The following CCNH variants were observed in gnomAD, a reference collection of about 807,000 sequenced individuals.
CCNH encodes the protein cyclin H.
In CCNH, 31 loss-of-function variants were observed where a neutral mutation model predicts 41.9. That is an observed-to-expected ratio of 0.74 (90% CI 0.56 to 1.00). CCNH has a LOEUF of 1.00. Among genes scored for constraint, CCNH ranks in the 50% least tolerant of loss-of-function variants. The pLI is 0.00. For synonymous variants in CCNH, 138 were observed against 136.1 expected, an observed-to-expected ratio of 1.01 and a Z score of -0.10; for missense variants, 362 against 388.4, an observed-to-expected ratio of 0.93 and a Z score of 0.57.
intron 9 of CCNH, among the ~76,000 whole-genome samples, chr5:87,382,688 G>A (rs1761802287): frequency 6.6e-6 from 1 of 152,130 alleles, no homozygotes; most frequent in Admixed American, 6.6e-5. Flanking sequence ...AAAATTAGCA[G>A]ATAAAATCAT....
At position 87,369,971 on chromosome 5, in the gene CCNH, A is replaced by T. The variant is rs1760809030; in HGVS notation, c.*90+22799T>A. The T allele has an allele frequency of 3.2e-6, 4 of 1,253,746 alleles. No individual in the cohort carries two copies. In the South Asian group the frequency reaches 5.0e-5, roughly 16 times the overall value. The allele number at this position is 1,253,746 out of a possible 1,614,324, so 77.7% of individuals were successfully genotyped here. On this transcript the variant is annotated intron_variant and NMD_transcript_variant, in intron 9 of 9. Transcript: ENST00000645953. ...CATGTTTTCTTATTAACTGGAATAG[A>T]AAATGATCGCATTCAAGATAAAGTG...
At chr5:87,312,960 A>G in the CCNH span, among the ~76,000 whole-genome samples, 1 of 152,196 alleles carries the variant, frequency 6.6e-6, no homozygotes, top group Non-Finnish European at 1.5e-5. Context: ...CAGATTATTG[A>G]AGGAAAATGA....
At chr5:87,325,642 T>C (rs1408909526) in intron 9 of CCNH, among the ~76,000 whole-genome samples, 2 of 152,224 alleles carry the variant, frequency 1.3e-5, no homozygotes, top group Non-Finnish European at 2.9e-5. Context: ...CTGTCAGTAA[T>C]ATAACCAAAA....
Position 87,412,678 on chromosome 5 carries a change from C to A in CCNH, c.117G>T (p.Lys39Asn). The change falls in exon 1 of 9, where the codon AAG (lysine) becomes AAT (asparagine). Residue 39 changes from lysine to asparagine, a missense_variant and splice_region_variant. Coordinates refer to ENST00000256897, the MANE Select transcript of CCNH (RefSeq NM_001239.4). Reference sequence around the variant, plus strand: ...TGGGCAACCGTTGGGAAAACCTCACCTTCCCGTTGGCCACGGCTTTGCATC... The same window carrying A: ...TGGGCAACCGTTGGGAAAACCTCACATTCCCGTTGGCCACGGCTTTGCATC... ...KFRCKAVANG[K>N]VLPNDPVFLE... 1.2e-6 allele frequency: 2 copies of A among 1,613,976 alleles called. No homozygotes were observed. The highest frequency in any genetic ancestry group is 1.7e-6 in the Non-Finnish European group (2 of 1,179,892).
At chr5:87,352,930 A>G (rs1759379932) in intron 9 of CCNH, among the ~76,000 whole-genome samples, 2 of 151,916 alleles carry the variant, frequency 1.3e-5, no homozygotes, top group Admixed American at 1.3e-4. Context: ...GGTATGGAAA[A>G]TCAGAATCTG....
At position 87,408,172 on chromosome 5, in the gene CCNH, A is replaced by G. The variant is rs758248932; in HGVS notation, c.329T>C (p.Phe110Ser). 3.1e-6 allele frequency: 5 copies of G among 1,598,666 alleles called. No homozygotes were observed. Among genetic ancestry groups the G allele is most frequent in the Non-Finnish European group, 4.3e-6 (5 of 1,170,496 alleles). ...GAATTCATCTACTTTGCAGGCCAAA[A>G]ATGCACAAGTGAGCCTAGAGGAAAA... ...HPRIIMLTCA[F>S]LACKVDEFNV... is the part of the protein sequence containing the mutation. Residue 110 changes from phenylalanine to serine, a missense_variant, in exon 4 of 9, where the codon TTT becomes TCT. Transcript: ENST00000256897.
chr5:87,317,272 A>T (rs1945431099), downstream of CCNH, among the ~76,000 whole-genome samples: 1 of 152,098 alleles, frequency 6.6e-6, no homozygotes, highest in Non-Finnish European at 1.5e-5. Context: ...CAGACTTTTA[A>T]TAAATTCCCC....
At chr5:87,371,242 G>T (rs1760917720) in intron 9 of CCNH, among the ~76,000 whole-genome samples, 2 of 151,762 alleles carry the variant, frequency 1.3e-5, no homozygotes, top group Non-Finnish European at 2.9e-5. Context: ...AGTTTTTGTT[G>T]ATTTATTGGG....
chr5:87,409,188 TTCTCTC>T (rs150775288), intron 3 of CCNH, 96 bp downstream of exon 3: 9 of 573,864 alleles, frequency 1.6e-5, no homozygotes, highest in East Asian at 9.3e-5. Context: ...AGGAAGTCAG[TTCTCTC>T]TCTCTCTCTC....
intron 9 of CCNH, chr5:87,363,198 A>C (rs1329849414): frequency 1.4e-6 from 1 of 718,282 alleles, no homozygotes; most frequent in Non-Finnish European, 2.3e-6. Context: ...GATTTGTTAT[A>C]GGCATTTTCT....
In CCNH at chr5:87,332,567, C is replaced by G. The variant is rs1180493926; in HGVS notation, c.*91-13670G>C. The G allele has an allele frequency of 6.2e-7, 1 of 1,607,354 alleles. No individual in the cohort carries two copies. Among genetic ancestry groups the G allele is most frequent in the African/African-American group, 1.3e-5 (1 of 74,772 alleles). Reference sequence around the variant, plus strand: ...GAAGACGTTTTTCTTCACTGTCAGACCTAATAGGTTATTACAGTCATGTTT... The same window carrying G: ...GAAGACGTTTTTCTTCACTGTCAGAGCTAATAGGTTATTACAGTCATGTTT... On this transcript the variant is annotated intron_variant and NMD_transcript_variant, in intron 9 of 9. Coordinates refer to the CCNH transcript ENST00000645953.
At chr5:87,354,443 A>T (rs1759503533) in intron 9 of CCNH, among the ~76,000 whole-genome samples, 1 of 152,098 alleles carries the variant, frequency 6.6e-6, no homozygotes, top group Non-Finnish European at 1.5e-5. Context: ...TAATGTTACT[A>T]TTGCAATTGT....
chr5:87,379,801 C>T, upstream of CCNH: 1 of 1,612,854 alleles, frequency 6.2e-7, no homozygotes, highest in Non-Finnish European at 8.5e-7. Flanking sequence ...ATTGAACATA[C>T]TTTCAGAGCT....
chr5:87,377,433 C>T (rs559595300), upstream of CCNH, among the ~76,000 whole-genome samples: 6 of 152,232 alleles, frequency 3.9e-5, no homozygotes, highest in African/African-American at 1.2e-4. Context: ...CAGGTTCAAG[C>T]GATTCTCCTG....
At chr5:87,363,496 C>T in intron 9 of CCNH, 2 of 1,611,640 alleles carry the variant, frequency 1.2e-6, no homozygotes, top group Non-Finnish European at 1.7e-6. Flanking sequence ...ATGATAGTCT[C>T]TTTGGCAGGT....
At chr5:87,400,035 G>A (rs1224599604) in intron 6 of CCNH, among the ~76,000 whole-genome samples, 1 of 152,158 alleles carries the variant, frequency 6.6e-6, no homozygotes, top group East Asian at 1.9e-4. Context: ...GTCCACTTTA[G>A]GTTAAAAGCA....
chr5:87,411,564 A>C (rs138122721), intron 1 of CCNH, among the ~76,000 whole-genome samples: 5 of 152,356 alleles, frequency 3.3e-5, no homozygotes, highest in Non-Finnish European at 7.3e-5. Context: ...ACTTTTCGGA[A>C]TGTCAGCTAG....
intron 9 of CCNH, chr5:87,362,445 A>G (rs1232523730): frequency 1.1e-5 from 12 of 1,104,470 alleles, no homozygotes; most frequent in Non-Finnish European, 1.2e-5. Context: ...GTGTATCTAG[A>G]TTTTAGTATT....
intron 9 of CCNH, among the ~76,000 whole-genome samples, chr5:87,324,594 T>G (rs1757078079): frequency 6.6e-6 from 1 of 152,180 alleles, no homozygotes; most frequent in Non-Finnish European, 1.5e-5. Flanking sequence ...GAAACAGCAT[T>G]TCTGCCCTTA....
Sources: gnomAD v4.1 joint callset for allele counts (sites outside exome capture counted in the v4.1 genomes callset) on GRCh38, gnomAD v4.1.1 for gene constraint, MANE v1.5 for transcripts, NCBI Gene and HGNC (gene_info 2026-07-23, HGNC 2026-07-21) for gene names.